Variants in LDLRAD4 observed in about 807,000 individuals in gnomAD.
The protein encoded by LDLRAD4 is low density lipoprotein receptor class A domain containing 4, also known as low-density lipoprotein receptor class A domain-containing protein 4.
Under a neutral mutation model 17.0 loss-of-function variants are expected in LDLRAD4, and 5 were observed. The ratio of observed to expected loss-of-function variants is 0.29; its 90% CI spans 0.15 to 0.62. LDLRAD4 has a LOEUF of 0.62. Among genes scored for constraint, LDLRAD4 ranks in the 20% least tolerant of loss-of-function variants. The pLI, the probability that LDLRAD4 is intolerant of heterozygous loss-of-function variation, is 0.84. For missense variants in LDLRAD4, 340 were observed against 424.7 expected (o/e 0.80, Z 1.75); for synonymous variants, 168 against 171.8 (o/e 0.98, Z 0.17).
At chr18:13,572,758 G>A (rs1390781412) in intron 3 of LDLRAD4, among the ~76,000 whole-genome samples, 2 of 152,200 alleles carry the variant, frequency 1.3e-5, no homozygotes. Flanking sequence ...GTAGCTTGTT[G>A]ACCCCTCTTT....
intron 3 of LDLRAD4, among the ~76,000 whole-genome samples, chr18:13,591,452 C>CTG (rs2095028818): frequency 1.3e-5 from 2 of 149,466 alleles, no homozygotes; most frequent in Admixed American, 6.7e-5. Flanking sequence ...GTGTGTGTCT[C>CTG]TGTGTGTGTG....
chr18:13,442,723 C>A (rs2091111079), intron 3 of LDLRAD4, among the ~76,000 whole-genome samples: 1 of 152,202 alleles, frequency 6.6e-6, no homozygotes, highest in Non-Finnish European at 1.5e-5. Flanking sequence ...CCCTTGGCCA[C>A]ATCTTAGTGG....
intron 3 of LDLRAD4, among the ~76,000 whole-genome samples, chr18:13,458,907 A>G (rs1350859237): frequency 1.3e-5 from 2 of 152,258 alleles, no homozygotes; most frequent in African/African-American, 2.4e-5. Flanking sequence ...GAAAAGGCAA[A>G]CAAATATTCT....
At chr18:13,344,594 A>G (rs1250458048) in intron 1 of LDLRAD4, among the ~76,000 whole-genome samples, 1 of 152,174 alleles carries the variant, frequency 6.6e-6, no homozygotes, top group Non-Finnish European at 1.5e-5. Flanking sequence ...GTGAACTTTA[A>G]AGTAGTTTTT....
chr18:13,395,806 C>T (rs966460527), intron 2 of LDLRAD4, among the ~76,000 whole-genome samples: 3 of 151,700 alleles, frequency 2.0e-5, no homozygotes, highest in Admixed American at 2.0e-4. Context: ...TTTAGCTTAG[C>T]TCCCGGGGCC....
At position 13,621,353 on chromosome 18, in the gene LDLRAD4, T is replaced by C. The variant is rs568397900; in HGVS notation, c.336+82T>C. ...CCCATCAGGGTTCAGAGGCCGGGAGTGCTTTCAGTTGACATGTAACAAACG... is the reference window on the plus strand; with the variant it reads ...CCCATCAGGGTTCAGAGGCCGGGAGCGCTTTCAGTTGACATGTAACAAACG... On this transcript the variant is annotated intron_variant, in intron 4 of 5. Coordinates refer to ENST00000359446, the Ensembl canonical transcript of LDLRAD4. The surrounding 1 kb of genome is among the most constrained non-coding windows in gnomAD (Gnocchi z 5.5). 112 of 1,080,888 alleles carry C rather than the reference T, an allele frequency of 1.0e-4. 2 individuals carry two copies. In the East Asian group the frequency reaches 1.9e-3, roughly 19 times the overall value. The allele number at this position is 1,080,888 out of a possible 1,614,324, so 67.0% of individuals were successfully genotyped here.
At chr18:13,417,372 C>T (rs1165119022) in intron 2 of LDLRAD4, among the ~76,000 whole-genome samples, 3 of 151,844 alleles carry the variant, frequency 2.0e-5, no homozygotes, top group Non-Finnish European at 4.4e-5. Context: ...CACTTTGGTG[C>T]GGTGGTCTAA....
chr18:13,235,317 T>A (rs1000195587), intron 1 of LDLRAD4, among the ~76,000 whole-genome samples: 1 of 152,236 alleles, frequency 6.6e-6, no homozygotes, highest in Non-Finnish European at 1.5e-5. Context: ...TGCTTTCTCT[T>A]TAGACGAGAT....
At chr18:13,594,780 G>C (rs544201947) in intron 3 of LDLRAD4, among the ~76,000 whole-genome samples, 8 of 150,718 alleles carry the variant, frequency 5.3e-5, no homozygotes, top group African/African-American at 1.7e-4. Context: ...TCTCCAAAAA[G>C]AAGTTGTCTG....
intron 1 of LDLRAD4, among the ~76,000 whole-genome samples, chr18:13,290,039 C>T (rs988105173): frequency 1.1e-4 from 16 of 152,126 alleles, no homozygotes; most frequent in African/African-American, 3.6e-4. Flanking sequence ...GGCTCAGTAA[C>T]TGTGTGGGGC....
chr18:13,612,556 C>G (rs1040952255), intron 3 of LDLRAD4: 9 of 1,423,762 alleles, frequency 6.3e-6, no homozygotes, highest in African/African-American at 5.9e-5. Flanking sequence ...CCCCCCCCCC[C>G]TCCACGCTCA....
In LDLRAD4 at chr18:13,552,579, T is replaced by G. The variant is rs1246360249; in HGVS notation, c.182-68538T>G. On this transcript the variant is annotated intron_variant, in intron 3 of 5. Transcript: ENST00000359446. ...TGCTGGTGCAGTTTGATTGTGCCTT[T>G]GATAGATGGCCAGGGCTCACCCTCC... 2.6e-5 allele frequency among the ~76,000 whole-genome samples: 4 copies of G among 152,190 alleles called. No individual in the cohort carries two copies. The East Asian group carries it at 7.7e-4, about 29-fold the overall frequency.
At chr18:13,540,589 C>T (rs2094265548) in intron 3 of LDLRAD4, among the ~76,000 whole-genome samples, 1 of 152,100 alleles carries the variant, frequency 6.6e-6, no homozygotes, top group East Asian at 1.9e-4. Flanking sequence ...TCAGAGAGTT[C>T]CGTGGGGGTT....
At chr18:13,390,063 T>G (rs2086148483) in intron 2 of LDLRAD4, among the ~76,000 whole-genome samples, 1 of 152,220 alleles carries the variant, frequency 6.6e-6, no homozygotes, top group African/African-American at 2.4e-5. Context: ...CATGTATGTG[T>G]TGTAGAGTGA....
chr18:13,531,153 C>CCAAG (rs1172677651), intron 3 of LDLRAD4, among the ~76,000 whole-genome samples: 1 of 152,120 alleles, frequency 6.6e-6, no homozygotes, highest in Non-Finnish European at 1.5e-5. Flanking sequence ...CTGGAGGCAG[C>CCAAG]CAAGGGTCCA....
intron 3 of LDLRAD4, among the ~76,000 whole-genome samples, chr18:13,564,409 C>CT (rs2094572690): frequency 6.6e-6 from 1 of 151,570 alleles, no homozygotes; most frequent in African/African-American, 2.4e-5. Context: ...AAGCCATCCC[C>CT]AGCGCTCGCC....
chr18:13,450,528 G>T (rs2091766596), intron 3 of LDLRAD4, among the ~76,000 whole-genome samples: 3 of 152,208 alleles, frequency 2.0e-5, no homozygotes, highest in Non-Finnish European at 2.9e-5. Flanking sequence ...TTCATGGAAG[G>T]TATTTTTCTG....
At chr18:13,246,592 C>T (rs1165784878) in intron 1 of LDLRAD4, among the ~76,000 whole-genome samples, 2 of 152,224 alleles carry the variant, frequency 1.3e-5, no homozygotes, top group South Asian at 2.1e-4. Context: ...GGTGGCTGGC[C>T]AGCTGTCATG....
At chr18:13,469,673 A>C (rs1039860720) in intron 3 of LDLRAD4, among the ~76,000 whole-genome samples, 2 of 152,230 alleles carry the variant, frequency 1.3e-5, no homozygotes, top group African/African-American at 4.8e-5. Context: ...TAGCATACAC[A>C]AGGTCAGAGA....
Sources: allele counts gnomAD v4.1 joint callset (sites outside exome capture counted in the v4.1 genomes callset), GRCh38; gene constraint gnomAD v4.1.1; non-coding constraint Gnocchi (gnomAD v3.1); transcripts MANE v1.5; gene names NCBI Gene and HGNC (gene_info 2026-07-23, HGNC 2026-07-21).